Variants in COL25A1 observed in about 807,000 individuals in gnomAD.
The protein encoded by COL25A1 is collagen type XXV alpha 1 chain.
A neutral mutation model predicts 128.4 loss-of-function variants in COL25A1; 103 were observed. The ratio of observed to expected loss-of-function variants is 0.80; its 90% CI spans 0.68 to 0.94. The LOEUF (loss-of-function observed/expected upper bound fraction) is 0.94, where lower values mean the gene tolerates loss of function less well. COL25A1 is among the 40% of genes least tolerant of loss of function. COL25A1 has a pLI of 0.00. For missense variants in COL25A1, 745 were observed against 840.0 expected (o/e 0.89, Z 1.40); for synonymous variants, 279 against 277.2 (o/e 1.01, Z -0.06).
Position 109,091,741 on chromosome 4 carries a change from A to C in COL25A1, c.368-41562T>G, listed in dbSNP as rs546458255. 5.9e-5 allele frequency among the ~76,000 whole-genome samples: 9 copies of C among 152,266 alleles called. No homozygotes were observed. In the South Asian group the frequency reaches 1.9e-3, roughly 32 times the overall value. ...AATAAATCTTTAGGTGGAAAAAAAA[A>C]AAAAAGCCCTGTACAATACTGTAAT... On this transcript the variant is annotated intron_variant, in intron 3 of 37. Coordinates refer to ENST00000399132, the MANE Select transcript of COL25A1 (RefSeq NM_198721.4).
chr4:109,262,485 G>C (rs1158552238), intron 3 of COL25A1, among the ~76,000 whole-genome samples: 1 of 152,108 alleles, frequency 6.6e-6, no homozygotes, highest in Non-Finnish European at 1.5e-5. Flanking sequence ...CTGCACTCCA[G>C]CCTGGGCGAC....
At chr4:108,963,992 T>C (rs983858846) in intron 8 of COL25A1, among the ~76,000 whole-genome samples, 2 of 150,794 alleles carry the variant, frequency 1.3e-5, no homozygotes, top group Admixed American at 1.3e-4. Context: ...ACAAATGAAA[T>C]CTCTTTACTC....
chr4:108,928,267 A>G (rs1025253915), intron 11 of COL25A1, among the ~76,000 whole-genome samples: 1 of 152,254 alleles, frequency 6.6e-6, no homozygotes, highest in African/African-American at 2.4e-5. Flanking sequence ...TAGAATTTAA[A>G]TAACTCATGA....
At chr4:108,919,585 C>A (rs1745260324) in intron 12 of COL25A1, among the ~76,000 whole-genome samples, 1 of 151,924 alleles carries the variant, frequency 6.6e-6, no homozygotes, top group Non-Finnish European at 1.5e-5. Context: ...CAATTGTTTT[C>A]TTTAGTTTTC....
intron 3 of COL25A1, among the ~76,000 whole-genome samples, chr4:109,211,290 C>CTATATATATATATATA (rs753994624): frequency 9.8e-6 from 1 of 102,546 alleles, no homozygotes; most frequent in South Asian, 3.8e-4. Flanking sequence ...ATATATGAAA[C>CTATATATATATATATA]TATATATATA....
chr4:109,271,959 G>T (rs1386136571), intron 3 of COL25A1, among the ~76,000 whole-genome samples: 1 of 152,002 alleles, frequency 6.6e-6, no homozygotes, highest in Non-Finnish European at 1.5e-5. Context: ...AAAATCAAGG[G>T]TGGGCATGGT....
intron 8 of COL25A1, among the ~76,000 whole-genome samples, chr4:108,947,027 A>G (rs959949310): frequency 6.6e-6 from 1 of 152,178 alleles, no homozygotes; most frequent in South Asian, 2.1e-4. Context: ...TAGAGGGAAC[A>G]CAAGGAAGAG....
At chr4:108,819,916 TA>T in intron 35 of COL25A1, 1 of 1,146,766 alleles carries the variant, frequency 8.7e-7, no homozygotes, top group South Asian at 4.4e-5. Context: ...TACAAGGGTT[TA>T]AATAAAAGAC....
chr4:109,129,179 G>C (rs536903724), intron 3 of COL25A1, among the ~76,000 whole-genome samples: 2 of 151,822 alleles, frequency 1.3e-5, no homozygotes, highest in East Asian at 3.9e-4. Context: ...GCCCAGGCTG[G>C]AGTGCAATGG....
In COL25A1 at chr4:109,171,466, A is replaced by C. The variant is rs1773577649; in HGVS notation, c.368-121287T>G. ...GAAGAGGCCAAAAAACTAGCTAGCT[A>C]AGCAATAAGTGTTTGTTGCTTAAAC... is the stretch of plus-strand genomic sequence containing the variant. On this transcript the variant is annotated intron_variant, in intron 3 of 37. Transcript: ENST00000399132. 1.3e-5 allele frequency among the ~76,000 whole-genome samples: 2 copies of C among 152,214 alleles called. 1 individual carries two copies. Among genetic ancestry groups the C allele is most frequent in the South Asian group, 4.1e-4 (2 of 4,828 alleles).
chr4:109,132,191 G>A (rs995445566), intron 3 of COL25A1, among the ~76,000 whole-genome samples: 22 of 152,142 alleles, frequency 1.4e-4, no homozygotes, highest in Non-Finnish European at 2.9e-4. Context: ...AAAGCCATTA[G>A]ACTTTAAATA....
chr4:109,018,291 C>T (rs1365206081), intron 5 of COL25A1, among the ~76,000 whole-genome samples: 9 of 152,124 alleles, frequency 5.9e-5, no homozygotes, highest in Non-Finnish European at 8.8e-5. Context: ...ATGGTGCAAT[C>T]TCAGCTCACT....
intron 3 of COL25A1, among the ~76,000 whole-genome samples, chr4:109,298,563 A>G (rs1438674238): frequency 6.6e-6 from 1 of 152,186 alleles, no homozygotes; most frequent in Admixed American, 6.5e-5. Context: ...GAAGTGCTGA[A>G]TCTCTTTTCT....
chr4:108,827,440 C>T (rs114924121), intron 32 of COL25A1, among the ~76,000 whole-genome samples: 3,114 of 152,310 alleles, frequency 0.02, 35 homozygotes, highest in Non-Finnish European at 0.027. Flanking sequence ...TTGCATATCT[C>T]AGATGTCATA....
At chr4:109,123,790 G>A (rs1201782152) in intron 3 of COL25A1, among the ~76,000 whole-genome samples, 1 of 151,990 alleles carries the variant, frequency 6.6e-6, no homozygotes, top group Non-Finnish European at 1.5e-5. Flanking sequence ...TTGGACATAG[G>A]CCTCGGTTCT....
intron 3 of COL25A1, among the ~76,000 whole-genome samples, chr4:109,208,173 G>A (rs1478524993): frequency 6.6e-6 from 1 of 152,156 alleles, no homozygotes; most frequent in Non-Finnish European, 1.5e-5. Context: ...TCTGAAATAA[G>A]TCTTGCATTT....
chr4:109,138,832 C>A (rs1041140335), intron 3 of COL25A1, among the ~76,000 whole-genome samples: 1 of 152,216 alleles, frequency 6.6e-6, no homozygotes, highest in Non-Finnish European at 1.5e-5. Context: ...CTCAGCCTCC[C>A]GAGTAGCTGG....
chr4:108,889,125 C>T, intron 18 of COL25A1, 96 bp downstream of exon 18: 1 of 1,145,492 alleles, frequency 8.7e-7, no homozygotes, highest in Non-Finnish European at 1.3e-6. Flanking sequence ...AAAACCGCAT[C>T]ATTTTGTAAT....
At chr4:109,066,610 A>G (rs1579258206) in intron 3 of COL25A1, among the ~76,000 whole-genome samples, 1 of 152,188 alleles carries the variant, frequency 6.6e-6, no homozygotes, top group East Asian at 1.9e-4. Flanking sequence ...TTATAAATAG[A>G]TACTTGGTGA....
Sources: gnomAD v4.1 joint callset for allele counts (sites outside exome capture counted in the v4.1 genomes callset) on GRCh38, gnomAD v4.1.1 for gene constraint, MANE v1.5 for transcripts, NCBI Gene and HGNC (gene_info 2026-07-23, HGNC 2026-07-21) for gene names.